The following RBFOX1 variants were observed in gnomAD, a reference collection of about 807,000 sequenced individuals.
RBFOX1 encodes the protein RNA binding protein fox-1 homolog 1.
In RBFOX1, 8 loss-of-function variants were observed where a neutral mutation model predicts 57.7. That is an observed-to-expected ratio of 0.14 (90% confidence interval 0.08 to 0.25). The LOEUF is 0.25. RBFOX1 is among the 10% of genes least tolerant of loss of function. RBFOX1 has a pLI of 1.00. For synonymous variants in RBFOX1, 326 were observed against 222.4 expected (o/e 1.47, Z -4.15); for missense variants, 611 against 548.5 (o/e 1.11, Z -1.14).
intron 5 of RBFOX1, among the ~76,000 whole-genome samples, chr16:7,568,673 C>G (rs2092405500): frequency 6.6e-6 from 1 of 151,916 alleles, no homozygotes; most frequent in Non-Finnish European, 1.5e-5. Flanking sequence ...ATCATGAGGT[C>G]AGGAGATCGA....
At chr16:5,624,477 G>C (rs1247480961) in intron 3 of RBFOX1, among the ~76,000 whole-genome samples, 1 of 152,236 alleles carries the variant, frequency 6.6e-6, no homozygotes, top group East Asian at 1.9e-4. Flanking sequence ...GATCACAGGC[G>C]TGAGCCATCG....
intron 3 of RBFOX1, among the ~76,000 whole-genome samples, chr16:5,649,930 G>A (rs963323306): frequency 1.3e-5 from 2 of 152,156 alleles, no homozygotes; most frequent in African/African-American, 4.8e-5. Flanking sequence ...GGTAGCACTC[G>A]AGTTCGCAAG....
chr16:7,202,160 T>C (rs1160343848), intron 4 of RBFOX1, among the ~76,000 whole-genome samples: 2 of 152,092 alleles, frequency 1.3e-5, no homozygotes, highest in Non-Finnish European at 2.9e-5. Flanking sequence ...AGGACTTGAA[T>C]AGACATTTCT....
intron 14 of RBFOX1, among the ~76,000 whole-genome samples, chr16:7,707,252 C>T (rs992026297): frequency 6.6e-6 from 1 of 152,070 alleles, no homozygotes. Context: ...TTTTATTCCA[C>T]CTAGGGTCTA....
At chr16:6,661,363 C>A (rs774908811) in intron 3 of RBFOX1, among the ~76,000 whole-genome samples, 5 of 152,124 alleles carry the variant, frequency 3.3e-5, no homozygotes, top group Admixed American at 6.6e-5. Flanking sequence ...GTGTAGAGAA[C>A]ATGGTATGTT....
In RBFOX1 at chr16:6,228,986, A is replaced by T. The variant is rs118152751; in HGVS notation, c.-126-88009A>T. 5.3e-5 allele frequency among the ~76,000 whole-genome samples: 8 copies of T among 152,324 alleles called. No individual in the cohort carries two copies. The East Asian group carries it at 1.5e-3, about 29-fold the overall frequency. On this transcript the variant is annotated intron_variant, in intron 1 of 15. Transcript: ENST00000550418. ...TGAAGGAAAAAAGTTCTTGGCGTTT[A>T]TATTAAATGATGCACAAATCCCCTG...
At chr16:5,676,698 T>C (rs2050178868) in intron 3 of RBFOX1, among the ~76,000 whole-genome samples, 1 of 152,112 alleles carries the variant, frequency 6.6e-6, no homozygotes, top group South Asian at 2.1e-4. Flanking sequence ...TCATCTCTAC[T>C]AAAAATACAA....
intron 4 of RBFOX1, among the ~76,000 whole-genome samples, chr16:7,420,969 A>G (rs1402522426): frequency 1.3e-5 from 2 of 150,342 alleles, no homozygotes; most frequent in African/African-American, 4.9e-5. Context: ...ACATATATAT[A>G]TATATGTAGT....
chr16:7,105,277 C>T (rs1599634550), intron 4 of RBFOX1, among the ~76,000 whole-genome samples: 1 of 127,502 alleles, frequency 7.8e-6, no homozygotes, highest in South Asian at 3.1e-4. Context: ...TCTCTGGAAC[C>T]ATATGGTCTG....
Position 6,246,452 on chromosome 16 carries a change from C to T in RBFOX1, c.-126-70543C>T, listed in dbSNP as rs946972960. Among the ~76,000 whole-genome samples, 5 of 152,260 alleles carry T rather than the reference C, an allele frequency of 3.3e-5. No homozygotes were observed. In the South Asian group the frequency reaches 1.0e-3, roughly 32 times the overall value. ...TAACAGAACCCCATGCCAGCTCCAG[C>T]ATAAAAATTCCTGGGAAGGACTCCA... On this transcript the variant is annotated intron_variant, in intron 1 of 15. Coordinates refer to ENST00000550418, the MANE Select transcript of RBFOX1 (RefSeq NM_018723.4).
At position 6,122,247 on chromosome 16, in the gene RBFOX1, C is replaced by T. The variant is rs115263909; in HGVS notation, c.-127+102255C>T. On this transcript the variant is annotated intron_variant, in intron 1 of 15. Transcript: ENST00000550418. ...AATGTTTTTATTTTCTTTTAATTAA[C>T]GTCCTGATTGTCTCATCTGCTAGTC... Among the ~76,000 whole-genome samples the T allele has an allele frequency of 8.7e-3, 1,329 of 151,970 alleles. 20 individuals are homozygous for T. Among genetic ancestry groups the T allele is most frequent in the African/African-American group, 0.029 (1,198 of 41,410 alleles).
At chr16:6,526,657 C>T (rs537911426) in intron 2 of RBFOX1, among the ~76,000 whole-genome samples, 29 of 151,452 alleles carry the variant, frequency 1.9e-4, no homozygotes, top group African/African-American at 5.8e-4. Context: ...GGAGAAACCC[C>T]GTGTCTACTA....
intron 2 of RBFOX1, among the ~76,000 whole-genome samples, chr16:6,416,716 C>A (rs1357803460): frequency 6.6e-6 from 1 of 152,158 alleles, no homozygotes; most frequent in Non-Finnish European, 1.5e-5. Flanking sequence ...TCGCACCTGT[C>A]AGCACTGCGG....
At chr16:7,460,389 A>ATATATATATATATATATGTGTGTGTG in intron 4 of RBFOX1, among the ~76,000 whole-genome samples, 19 of 87,204 alleles carry the variant, frequency 2.2e-4, no homozygotes, top group African/African-American at 9.8e-4. Flanking sequence ...ATATATATAT[A>ATATATATATATATATATGTGTGTGTG]TGTGTGTGTG....
intron 1 of RBFOX1, among the ~76,000 whole-genome samples, chr16:5,362,610 T>C (rs966202296): frequency 9.9e-5 from 15 of 152,138 alleles, no homozygotes; most frequent in Middle Eastern, 3.2e-3. Context: ...GATCCAACCA[T>C]CTTGGCCTCC....
At chr16:6,834,383 C>T (rs750578703) in intron 3 of RBFOX1, among the ~76,000 whole-genome samples, 8 of 151,912 alleles carry the variant, frequency 5.3e-5, no homozygotes, top group Non-Finnish European at 8.8e-5. Context: ...GGCCCTGATC[C>T]AAAAAATATT....
chr16:6,237,639 G>T lies in RBFOX1; in HGVS notation c.-126-79356G>T, dbSNP rs536365645. Among the ~76,000 whole-genome samples, 4 of 152,240 alleles carry T rather than the reference G, an allele frequency of 2.6e-5. No homozygotes were observed. In the South Asian group the frequency reaches 8.3e-4, roughly 32 times the overall value. On this transcript the variant is annotated intron_variant, in intron 1 of 15. Transcript: ENST00000550418. ...AGCCTGTAATCCCAGCTACTTGGGA[G>T]GGTGGGGAAGAGAATTGTTTGAACC...
intron 3 of RBFOX1, among the ~76,000 whole-genome samples, chr16:5,629,284 A>G (rs990233541): frequency 4.6e-5 from 7 of 152,212 alleles, no homozygotes; most frequent in African/African-American, 1.7e-4. Context: ...ATGATGTTCA[A>G]TATTTAACAA....
At chr16:6,606,002 G>A (rs1022696516) in intron 2 of RBFOX1, among the ~76,000 whole-genome samples, 1 of 152,052 alleles carries the variant, frequency 6.6e-6, no homozygotes, top group East Asian at 1.9e-4. Context: ...CCAGCTACTT[G>A]GGAGACTGAG....
Sources: allele counts gnomAD v4.1 joint callset (sites outside exome capture counted in the v4.1 genomes callset), GRCh38; gene constraint gnomAD v4.1.1; transcripts MANE v1.5; gene names NCBI Gene and HGNC (gene_info 2026-07-23, HGNC 2026-07-21).